DYM: variants seen among roughly 807,000 people sequenced by gnomAD.
DYM encodes the protein dyggve-Melchior-Clausen syndrome protein.
Under a neutral mutation model 93.1 loss-of-function variants are expected in DYM, and 78 were observed. The observed-to-expected ratio is 0.84, with a 90% confidence interval of 0.70 to 1.01. The LOEUF (loss-of-function observed/expected upper bound fraction) is 1.01, where lower values mean the gene tolerates loss of function less well. Among genes scored for constraint, DYM ranks in the 50% least tolerant of loss-of-function variants. The pLI is 0.00. For synonymous variants in DYM, 321 were observed against 319.7 expected, an observed-to-expected ratio of 1.00 and a Z score of -0.04; for missense variants, 789 against 845.0, an observed-to-expected ratio of 0.93 and a Z score of 0.82.
At chr18:49,177,206 G>A (rs2089477699) in intron 14 of DYM, among the ~76,000 whole-genome samples, 1 of 152,094 alleles carries the variant, frequency 6.6e-6, no homozygotes, top group Non-Finnish European at 1.5e-5. Context: ...GAGCCAGGAT[G>A]GCAGGGTAGA....
intron 13 of DYM, among the ~76,000 whole-genome samples, chr18:49,221,195 A>G (rs1165348517): frequency 6.6e-6 from 1 of 152,058 alleles, no homozygotes; most frequent in African/African-American, 2.4e-5. Context: ...GCAAATCAAA[A>G]CCACAATGAG....
chr18:49,190,240 A>T (rs1600478431), intron 14 of DYM, among the ~76,000 whole-genome samples: 1 of 152,244 alleles, frequency 6.6e-6, no homozygotes, highest in East Asian at 1.9e-4. Flanking sequence ...CTAACTGAAC[A>T]CACAGAAATA....
rs555857454 is a variant in DYM at position 49,214,142 on chromosome 18, T to C, written c.1461-4427A>G. 1.5e-3 allele frequency among the ~76,000 whole-genome samples: 234 copies of C among 152,196 alleles called. 2 individuals carry two copies. Among genetic ancestry groups the C allele is most frequent in the Non-Finnish European group, 2.0e-3 (135 of 68,028 alleles). On this transcript the variant is annotated intron_variant, in intron 13 of 17. Coordinates refer to ENST00000675505, the MANE Select transcript of DYM (RefSeq NM_001353214.3). ...AAAAGATACATGGATTCTGCTCTCA[T>C]AGAACCAGGGTTCCCATCCCCCATT...
intron 1 of DYM, chr18:49,431,752 G>A (rs2080339601): frequency 6.6e-6 from 1 of 152,148 alleles, no homozygotes; most frequent in South Asian, 2.1e-4. Context: ...TTCCACAAAG[G>A]CACTGAAGCC....
chr18:49,170,040 TACA>T (rs148086769), intron 14 of DYM, among the ~76,000 whole-genome samples: 221 of 151,108 alleles, frequency 1.5e-3, no homozygotes, highest in African/African-American at 4.9e-3. Flanking sequence ...ATGCTAGGAA[TACA>T]ACAAGTTGAA....
intron 15 of DYM, among the ~76,000 whole-genome samples, chr18:49,123,559 A>C (rs1320452759): frequency 1.3e-5 from 2 of 152,228 alleles, no homozygotes; most frequent in Admixed American, 6.5e-5. Flanking sequence ...GGCCTACAGT[A>C]GCTGAGCTCC....
intron 17 of DYM, among the ~76,000 whole-genome samples, chr18:49,058,721 G>A (rs73957581): frequency 2.0e-5 from 3 of 152,054 alleles, no homozygotes; most frequent in Non-Finnish European, 2.9e-5. Context: ...AAACAACATT[G>A]AGAGTTACCT....
intron 15 of DYM, among the ~76,000 whole-genome samples, chr18:49,119,850 G>A (rs1408640682): frequency 6.6e-6 from 1 of 152,046 alleles, no homozygotes; most frequent in Admixed American, 6.6e-5. Context: ...CACTTTGGGA[G>A]GCCAAGGTGG....
chr18:49,338,609 A>G (rs972771211), intron 6 of DYM, among the ~76,000 whole-genome samples: 11 of 152,258 alleles, frequency 7.2e-5, no homozygotes, highest in African/African-American at 2.7e-4. Flanking sequence ...AGACCTGTGT[A>G]TATATGGAAA....
chr18:49,325,034 C>T (rs1364110562), intron 8 of DYM, among the ~76,000 whole-genome samples: 1 of 152,032 alleles, frequency 6.6e-6, no homozygotes, highest in East Asian at 1.9e-4. Flanking sequence ...CCAGGATGTC[C>T]AGGAGTGGGA....
At chr18:49,239,249 T>C (rs184017156) in intron 13 of DYM, among the ~76,000 whole-genome samples, 118 of 152,292 alleles carry the variant, frequency 7.7e-4, no homozygotes, top group African/African-American at 2.6e-3. Context: ...AGGAAAAAAA[T>C]GCAAAGAATA....
intron 2 of DYM, among the ~76,000 whole-genome samples, chr18:49,414,831 T>G (rs2072732417): frequency 6.6e-6 from 1 of 152,162 alleles, no homozygotes. Flanking sequence ...CTTAACATAT[T>G]TATTTGTTCA....
At chr18:49,422,694 G>T (rs1438538939) in intron 2 of DYM, among the ~76,000 whole-genome samples, 1 of 152,182 alleles carries the variant, frequency 6.6e-6, no homozygotes, top group East Asian at 1.9e-4. Flanking sequence ...ATAAAGGGAT[G>T]GAGGAAGATA....
At chr18:49,212,149 G>GC (rs1879663309) in intron 13 of DYM, among the ~76,000 whole-genome samples, 1 of 151,610 alleles carries the variant, frequency 6.6e-6, no homozygotes, top group South Asian at 2.1e-4. Context: ...AATTTTAAAG[G>GC]CCATAAAAGA....
At chr18:49,445,735 C>T (rs1266951944) in intron 1 of DYM, among the ~76,000 whole-genome samples, 2 of 152,110 alleles carry the variant, frequency 1.3e-5, no homozygotes, top group Non-Finnish European at 2.9e-5. Flanking sequence ...GGACACAAAA[C>T]AACTGCAATA....
Position 49,040,884 on chromosome 18 carries a change from T to G in DYM, c.*3171A>C, listed in dbSNP as rs2070886373. Among the ~76,000 whole-genome samples the G allele has an allele frequency of 6.6e-6, 1 of 152,254 alleles. No individual in the cohort carries two copies. Among genetic ancestry groups the G allele is most frequent in the Admixed American group, 6.5e-5 (1 of 15,286 alleles). On this transcript the variant is annotated 3_prime_UTR_variant, in exon 18 of 18. Coordinates refer to ENST00000675505, the MANE Select transcript of DYM (RefSeq NM_001353214.3). The stretch of plus-strand genomic sequence containing the variant: ...TATGATATATTAACAATTCCAGTGC[T>G]TAAAAGTTTCCCTCACTAAATATTT...
intron 2 of DYM, among the ~76,000 whole-genome samples, chr18:49,403,957 T>C (rs1466922858): frequency 6.6e-6 from 1 of 152,150 alleles, no homozygotes; most frequent in African/African-American, 2.4e-5. Flanking sequence ...ATGGCATATA[T>C]ATAGCACATT....
chr18:49,382,181 C>T (rs572869500), intron 3 of DYM, among the ~76,000 whole-genome samples: 89 of 151,908 alleles, frequency 5.9e-4, no homozygotes, highest in Non-Finnish European at 1.1e-3. Flanking sequence ...AAAGAGTAAC[C>T]CGACTACTTG....
At position 49,321,323 on chromosome 18, in the gene DYM, ATTC is replaced by A. The variant is rs1485954034; in HGVS notation, c.763+10538_763+10540del. ...TATTCCTCCTTGTAAATACAAACTA[ATTC>A]ATTCTTCAACTATTTGTAGCATGAA... On this transcript the variant is annotated intron_variant, in intron 8 of 17. Coordinates refer to ENST00000675505, the MANE Select transcript of DYM (RefSeq NM_001353214.3). 1.0e-5 allele frequency: 4 copies of A among 398,178 alleles called. No homozygotes were observed. The East Asian group carries it at 1.4e-4, about 14-fold the overall frequency. 24.7% of individuals were successfully genotyped at this position (398,178 alleles called of 1,614,324 possible).
Sources: allele counts gnomAD v4.1 joint callset (sites outside exome capture counted in the v4.1 genomes callset), GRCh38; gene constraint gnomAD v4.1.1; transcripts MANE v1.5; gene names NCBI Gene and HGNC (gene_info 2026-07-23, HGNC 2026-07-21).